SPATA13: variants seen among roughly 807,000 people sequenced by gnomAD.
The protein encoded by SPATA13 is spermatogenesis associated 13.
In SPATA13, 50 loss-of-function variants were observed where a neutral mutation model predicts 104.0. The observed-to-expected ratio is 0.48, with a 90% CI of 0.38 to 0.61. The LOEUF is 0.61. Among genes scored for constraint, SPATA13 ranks in the 20% least tolerant of loss-of-function variants. SPATA13 has a pLI of 0.00. For missense variants in SPATA13, 1,524 were observed against 1,690.6 expected, an observed-to-expected ratio of 0.90 and a Z score of 1.73; for synonymous variants, 606 against 667.5, an observed-to-expected ratio of 0.91 and a Z score of 1.42.
intron 3 of SPATA13, among the ~76,000 whole-genome samples, chr13:24,130,974 G>A (rs955406017): frequency 2.0e-5 from 3 of 152,178 alleles, no homozygotes; most frequent in African/African-American, 7.2e-5. Context: ...AGCGGGGGAC[G>A]CTTTCTGGCT....
chr13:23,993,949 G>A (rs901990748), intron 2 of SPATA13, among the ~76,000 whole-genome samples: 2 of 151,030 alleles, frequency 1.3e-5, no homozygotes, highest in Non-Finnish European at 2.9e-5. Flanking sequence ...AGTCTGGGAA[G>A]TGGTGGGTGA....
At chr13:24,157,028 G>A (rs894044058), upstream of SPATA13, among the ~76,000 whole-genome samples, 1 of 152,158 alleles carries the variant, frequency 6.6e-6, no homozygotes, top group African/African-American at 2.4e-5. Context: ...GTGCACAATT[G>A]TTGCTAATGA....
chr13:24,102,636 G>T (rs755241576), intron 3 of SPATA13, among the ~76,000 whole-genome samples: 2 of 151,864 alleles, frequency 1.3e-5, no homozygotes, highest in African/African-American at 4.8e-5. Context: ...CACTAAGCCT[G>T]GCTATTTTTG....
chr13:24,253,188 G>A (rs1041640189), intron 4 of SPATA13: 2 of 152,176 alleles, frequency 1.3e-5, no homozygotes, highest in African/African-American at 4.8e-5. Context: ...TGTCTCCAGG[G>A]ACCCTTGCCT....
In SPATA13 at chr13:24,246,796, G is replaced by A. The variant is rs979798910; in HGVS notation, c.1654-2681G>A. 4.6e-5 allele frequency among the ~76,000 whole-genome samples: 7 copies of A among 152,050 alleles called. No individual in the cohort carries two copies. The East Asian group carries it at 1.4e-3, about 29-fold the overall frequency. On this transcript the variant is annotated intron_variant, in intron 2 of 12. Coordinates refer to ENST00000382108, the MANE Select transcript of SPATA13 (RefSeq NM_001166271.3). ...GATAATCACTTGAACCTGGGAGGTGGAGGTTGCGGTGAGCCGAGATCACAC... is the reference window on the plus strand; with the variant it reads ...GATAATCACTTGAACCTGGGAGGTGAAGGTTGCGGTGAGCCGAGATCACAC...
intron 2 of SPATA13, among the ~76,000 whole-genome samples, chr13:24,016,342 C>T (rs759638258): frequency 4.6e-5 from 7 of 152,212 alleles, no homozygotes; most frequent in Non-Finnish European, 7.3e-5. Flanking sequence ...CAGTAGCTAC[C>T]ATTTCCATTT....
Position 24,302,983 on chromosome 13 carries a change from C to A in SPATA13, c.*210C>A. ...GGGAGGAGACGGTCATGACACAAAG[C>A]TTTATCCTACACAGAAACACCCGTG... On this transcript the variant is annotated 3_prime_UTR_variant, in exon 13 of 13. Transcript: ENST00000382108. 1 of 627,514 alleles carries A rather than the reference C, an allele frequency of 1.6e-6. No homozygotes were observed. The highest frequency in any genetic ancestry group is 2.8e-6 in the Non-Finnish European group (1 of 360,582). The allele number at this position is 627,514 out of a possible 1,614,324, so 38.9% of individuals were successfully genotyped here. A position where few individuals can be genotyped will look rare whatever the true frequency, so the allele number is the denominator to read the frequency against.
chr13:24,230,118 C>G (rs117131065), intron 2 of SPATA13, among the ~76,000 whole-genome samples: 163 of 152,122 alleles, frequency 1.1e-3, no homozygotes, highest in Admixed American at 3.6e-3. Context: ...TTGGAGAGAA[C>G]AGGAAGTAAT....
At chr13:24,046,905 G>A (rs1212631474) in intron 3 of SPATA13, among the ~76,000 whole-genome samples, 1 of 152,030 alleles carries the variant, frequency 6.6e-6, no homozygotes, top group African/African-American at 2.4e-5. Flanking sequence ...TTGCAGTAGA[G>A]AACAAGTTTA....
At chr13:24,289,787 T>C (rs1260162045) in intron 8 of SPATA13, among the ~76,000 whole-genome samples, 2 of 152,168 alleles carry the variant, frequency 1.3e-5, no homozygotes, top group African/African-American at 2.4e-5. Context: ...ACTTAACCGC[T>C]AAAGGATTTC....
rs1180387625 is a variant in SPATA13, at chr13:24,051,897, T to TG, written c.-112+34197dup. ...GGGGTCCTAGGAGTTCCCCGGCACC[T>TG]GTTCCTCCTCCTCAGCCCCGGCCCA... On this transcript the variant is annotated intron_variant, in intron 3 of 14. Transcript: ENST00000424834. This position sits in a 1 kb window ranked among gnomAD's most constrained non-coding sequence, Gnocchi z 4.2. Among the ~76,000 whole-genome samples, 3 of 152,282 alleles carry TG rather than the reference T, an allele frequency of 2.0e-5. 1 individual carries two copies. The highest frequency in any genetic ancestry group is 2.0e-4 in the Admixed American group (3 of 15,296).
intron 3 of SPATA13, among the ~76,000 whole-genome samples, chr13:24,032,163 T>G (rs1395601928): frequency 6.6e-6 from 1 of 152,172 alleles, no homozygotes; most frequent in Admixed American, 6.5e-5. Flanking sequence ...AGAATTCTGG[T>G]AGGCTGGTTC....
chr13:24,159,085 C>T (rs1882353800), upstream of SPATA13, among the ~76,000 whole-genome samples: 1 of 148,532 alleles, frequency 6.7e-6, no homozygotes, highest in Admixed American at 6.7e-5. Flanking sequence ...CAGATTTGTG[C>T]TAATTCTAAA....
chr13:24,035,195 C>T (rs1053197982), intron 3 of SPATA13, among the ~76,000 whole-genome samples: 1 of 152,188 alleles, frequency 6.6e-6, no homozygotes, highest in African/African-American at 2.4e-5. Context: ...ACTCTTGTCG[C>T]CCAGGCTGGA....
chr13:24,135,002 A>G (rs747384431), intron 3 of SPATA13, among the ~76,000 whole-genome samples: 4 of 152,204 alleles, frequency 2.6e-5, no homozygotes, highest in Non-Finnish European at 5.9e-5. Flanking sequence ...AGATGATGTC[A>G]TGAGATGCAG....
chr13:24,299,508 G>A (rs191966071), intron 11 of SPATA13, among the ~76,000 whole-genome samples: 94 of 152,364 alleles, frequency 6.2e-4, no homozygotes, highest in African/African-American at 2.2e-3. Context: ...TGGAGGCAGG[G>A]ACAGCCCGGT....
intron 3 of SPATA13, among the ~76,000 whole-genome samples, chr13:24,098,329 A>G (rs1389029319): frequency 6.6e-6 from 1 of 152,202 alleles, no homozygotes; most frequent in East Asian, 1.9e-4. Context: ...AGGCTGAGGC[A>G]GGAGAATCTC....
At chr13:24,234,938 C>T (rs1872495548) in intron 2 of SPATA13, among the ~76,000 whole-genome samples, 1 of 152,188 alleles carries the variant, frequency 6.6e-6, no homozygotes, top group South Asian at 2.1e-4. Flanking sequence ...TTAAGAAAGA[C>T]ACTTGACCTA....
intron 3 of SPATA13, among the ~76,000 whole-genome samples, chr13:24,150,725 A>C (rs1251844117): frequency 6.6e-6 from 1 of 152,108 alleles, no homozygotes; most frequent in East Asian, 1.9e-4. Context: ...TTTGTGTTGC[A>C]GTCTTGAGGC....
Sources: gnomAD v4.1 joint callset for allele counts (sites outside exome capture counted in the v4.1 genomes callset) on GRCh38, gnomAD v4.1.1 for gene constraint, Gnocchi (gnomAD v3.1) non-coding constraint, MANE v1.5 for transcripts, NCBI Gene and HGNC (gene_info 2026-07-23, HGNC 2026-07-21) for gene names.